SLC25A26: variants seen among roughly 807,000 people sequenced by gnomAD.
The protein encoded by SLC25A26 is mitochondrial S-adenosylmethionine carrier protein.
A neutral mutation model predicts 37.8 loss-of-function variants in SLC25A26; 36 were observed. That is an observed-to-expected ratio of 0.95 (90% CI 0.73 to 1.26). SLC25A26 has a LOEUF of 1.26. Among genes scored for constraint, SLC25A26 ranks in the 50% most tolerant of loss-of-function variants. The pLI, the probability that SLC25A26 is intolerant of heterozygous loss-of-function variation, is 0.00. For synonymous variants in SLC25A26, 129 were observed against 122.5 expected, an observed-to-expected ratio of 1.05 and a Z score of -0.35; for missense variants, 390 against 331.1, an observed-to-expected ratio of 1.18 and a Z score of -1.38.
At position 66,256,087 on chromosome 3, in the gene SLC25A26, T is replaced by G. The variant is rs146858683; in HGVS notation, c.301-5964T>G. ...GACAGTTCCTATTTTCTTCACATAT[T>G]GGGGTCGGATTTCACTCTTGACCTC... On this transcript the variant is annotated intron_variant, in intron 3 of 9. Coordinates refer to ENST00000354883, the MANE Select transcript of SLC25A26 (RefSeq NM_001379210.1). Among the ~76,000 whole-genome samples, 661 of 152,314 alleles carry G rather than the reference T, an allele frequency of 4.3e-3. 1 individual carries two copies. The highest frequency in any genetic ancestry group is 0.017 in the Middle Eastern group (5 of 294).
chr3:66,239,581 A>C (rs1051896673), intron 2 of SLC25A26, among the ~76,000 whole-genome samples: 3 of 152,212 alleles, frequency 2.0e-5, no homozygotes, highest in African/African-American at 7.2e-5. Flanking sequence ...CTTGGCTGGC[A>C]TTAACTTCTT....
At chr3:66,164,405 G>A (rs1424113896) in intron 1 of SLC25A26, among the ~76,000 whole-genome samples, 1 of 152,038 alleles carries the variant, frequency 6.6e-6, no homozygotes, top group Non-Finnish European at 1.5e-5. Flanking sequence ...CCCAAAGCAG[G>A]ATGGATGAAA....
chr3:66,161,473 G>A (rs1270544726), intron 1 of SLC25A26, among the ~76,000 whole-genome samples: 1 of 152,096 alleles, frequency 6.6e-6, no homozygotes, highest in Non-Finnish European at 1.5e-5. Context: ...GAAATAATGG[G>A]AAACCCACTA....
At chr3:66,284,729 A>G (rs2074453434) in intron 5 of SLC25A26, among the ~76,000 whole-genome samples, 2 of 152,246 alleles carry the variant, frequency 1.3e-5, no homozygotes, top group African/African-American at 4.8e-5. Flanking sequence ...GTGCTCATAC[A>G]CAGTTCAGAA....
chr3:66,295,247 G>A (rs1235589841), intron 5 of SLC25A26, among the ~76,000 whole-genome samples: 3 of 151,862 alleles, frequency 2.0e-5, no homozygotes, highest in Non-Finnish European at 4.4e-5. Context: ...TTTTTGAGAC[G>A]GAGTCCCGCA....
intron 1 of SLC25A26, among the ~76,000 whole-genome samples, chr3:66,172,410 G>GGAAAAAAAA (rs1326789835): frequency 1.3e-5 from 1 of 75,180 alleles, no homozygotes; most frequent in Admixed American, 1.9e-4. Context: ...TACCTGTAAA[G>GGAAAAAAAA]AAAAAAAAAA....
intron 1 of SLC25A26, among the ~76,000 whole-genome samples, chr3:66,175,109 GTATA>G (rs769631849): frequency 8.0e-4 from 78 of 97,302 alleles, no homozygotes; most frequent in Admixed American, 2.6e-3. Context: ...ATGTGTGTGT[GTATA>G]TATATATATA....
At chr3:66,274,519 T>C (rs2074065262) in intron 5 of SLC25A26, among the ~76,000 whole-genome samples, 1 of 152,002 alleles carries the variant, frequency 6.6e-6, no homozygotes, top group South Asian at 2.1e-4. Context: ...AGGGCTAATA[T>C]CCGGAATCTA....
intron 5 of SLC25A26, among the ~76,000 whole-genome samples, chr3:66,287,728 A>G (rs1005137414): frequency 6.6e-6 from 1 of 152,238 alleles, no homozygotes; most frequent in Non-Finnish European, 1.5e-5. Flanking sequence ...CTTCCTTACA[A>G]TATCCTATAA....
chr3:66,177,461 C>T (rs1576614283), intron 1 of SLC25A26, among the ~76,000 whole-genome samples: 1 of 152,222 alleles, frequency 6.6e-6, no homozygotes, highest in African/African-American at 2.4e-5. Flanking sequence ...CAACAACCCA[C>T]AACACTTCCT....
chr3:66,303,750 G>A (rs903159385), intron 5 of SLC25A26, among the ~76,000 whole-genome samples: 3 of 152,218 alleles, frequency 2.0e-5, no homozygotes, highest in African/African-American at 7.2e-5. Context: ...TACAGCAGCA[G>A]TCTGAGGACC....
intron 9 of SLC25A26, among the ~76,000 whole-genome samples, chr3:66,373,477 G>A (rs1035298677): frequency 2.0e-5 from 3 of 152,206 alleles, no homozygotes; most frequent in African/African-American, 7.2e-5. Context: ...CTGGCGTTTA[G>A]AAATAAGTAA....
chr3:66,302,621 C>A (rs1559676292), intron 5 of SLC25A26, among the ~76,000 whole-genome samples: 1 of 152,130 alleles, frequency 6.6e-6, no homozygotes. Context: ...TGATAGGTCA[C>A]CAGATTTTGA....
intron 1 of SLC25A26, among the ~76,000 whole-genome samples, chr3:66,171,771 T>C (rs2070502814): frequency 6.6e-6 from 1 of 152,204 alleles, no homozygotes; most frequent in Non-Finnish European, 1.5e-5. Flanking sequence ...ATTACAGGCG[T>C]GAGCCACTGC....
rs538962529 is a variant in SLC25A26, at chr3:66,271,868, G to C, written c.453+8489G>C. 4.6e-5 allele frequency among the ~76,000 whole-genome samples: 7 copies of C among 151,952 alleles called. No individual in the cohort carries two copies. The East Asian group carries it at 1.4e-3, about 29-fold the overall frequency. ...TTCTCCTCTGTAAATGGAAATGTCT[G>C]TTCGTTTTCTTTTTCTGCCACCTTT... On this transcript the variant is annotated intron_variant, in intron 5 of 9. Transcript: ENST00000354883.
chr3:66,293,469 A>G (rs931954093), intron 5 of SLC25A26, among the ~76,000 whole-genome samples: 1 of 146,862 alleles, frequency 6.8e-6, no homozygotes, highest in Non-Finnish European at 1.5e-5. Flanking sequence ...TGTACAGATT[A>G]TTTTGCCACC....
chr3:66,281,058 C>A (rs564667610), intron 5 of SLC25A26, among the ~76,000 whole-genome samples: 1 of 152,222 alleles, frequency 6.6e-6, no homozygotes, highest in Admixed American at 6.5e-5. Flanking sequence ...TGTCAGGGTC[C>A]CCAACCTTTT....
intron 6 of SLC25A26, among the ~76,000 whole-genome samples, chr3:66,362,454 T>C (rs1445738039): frequency 1.3e-5 from 2 of 152,172 alleles, no homozygotes; most frequent in South Asian, 2.1e-4. Context: ...TACAATGATA[T>C]AACATTCTGG....
chr3:66,197,533 A>G (rs2071061406), intron 1 of SLC25A26, among the ~76,000 whole-genome samples: 1 of 152,082 alleles, frequency 6.6e-6, no homozygotes, highest in South Asian at 2.1e-4. Flanking sequence ...GGTTAGGTTA[A>G]GGATAAGGAT....
Sources: allele counts gnomAD v4.1 joint callset (sites outside exome capture counted in the v4.1 genomes callset), GRCh38; gene constraint gnomAD v4.1.1; transcripts MANE v1.5; gene names NCBI Gene and HGNC (gene_info 2026-07-23, HGNC 2026-07-21).